The following FAM193A variants were observed in gnomAD, a reference collection of about 807,000 sequenced individuals.
The protein encoded by FAM193A is family with sequence similarity 193 member A.
FAM193A carries 22 observed loss-of-function variants against 126.5 expected under a neutral mutation model. The ratio of observed to expected loss-of-function variants is 0.17; its 90% CI spans 0.12 to 0.25. The LOEUF (loss-of-function observed/expected upper bound fraction) is 0.25, where lower values mean the gene tolerates loss of function less well. FAM193A is among the 10% of genes least tolerant of loss of function. FAM193A has a pLI of 1.00. For missense variants in FAM193A, 1,675 were observed against 1,672.8 expected (o/e 1.00, Z -0.02); for synonymous variants, 761 against 646.8 (o/e 1.18, Z -2.68).
chr4:2,572,026 A>T (rs1037098436), intron 1 of FAM193A, among the ~76,000 whole-genome samples: 3 of 151,722 alleles, frequency 2.0e-5, no homozygotes, highest in African/African-American at 4.8e-5. Context: ...TTAGCTGGGC[A>T]TGGTGGCATG....
At chr4:2,617,240 T>TTTTTTATATATATA (rs377206444) in intron 2 of FAM193A, among the ~76,000 whole-genome samples, 1 of 35,242 alleles carries the variant, frequency 2.8e-5, no homozygotes, top group African/African-American at 2.7e-4. Context: ...TATGTTTTTA[T>TTTTTTATATATATA]TATATATATA....
At chr4:2,583,194 A>C (rs1193959679) in intron 1 of FAM193A, among the ~76,000 whole-genome samples, 1 of 152,198 alleles carries the variant, frequency 6.6e-6, no homozygotes, top group African/African-American at 2.4e-5. Context: ...AGCTGGTGCC[A>C]AACTCCTGAC....
At chr4:2,692,092 T>G (rs939420564) in intron 15 of FAM193A, among the ~76,000 whole-genome samples, 1 of 152,186 alleles carries the variant, frequency 6.6e-6, no homozygotes, top group African/African-American at 2.4e-5. Flanking sequence ...GATGGGCGCT[T>G]GTGTTAATCA....
chr4:2,697,586 A>G (rs1412732795), intron 18 of FAM193A, among the ~76,000 whole-genome samples: 2 of 152,200 alleles, frequency 1.3e-5, no homozygotes, highest in East Asian at 1.9e-4. Flanking sequence ...TGGTCAGGCA[A>G]AAAGGTGAGG....
intron 1 of FAM193A, among the ~76,000 whole-genome samples, chr4:2,539,111 C>G (rs1161421021): frequency 6.6e-6 from 1 of 151,830 alleles, no homozygotes; most frequent in Non-Finnish European, 1.5e-5. Context: ...GCAGGCTGGT[C>G]TTGAAGTCCT....
chr4:2,693,698 GTCACCTGCTGCGCTC>G lies in FAM193A; in HGVS notation c.2925_2939del (p.Ala976_Ala980del), dbSNP rs756140329. On this transcript the variant is annotated inframe_deletion, in exon 16 of 21. Coordinates refer to ENST00000637812, the MANE Select transcript of FAM193A (RefSeq NM_001366318.2). ...TCCCAGCGCTCTCGCCTGCTGCGCT[GTCACCTGCTGCGCTC>G]TCACCTGCCTCCACACCTCACCTTG... 2.2e-5 allele frequency: 36 copies of G among 1,614,152 alleles called. No homozygotes were observed. Among genetic ancestry groups the G allele is most frequent in the Non-Finnish European group, 1.9e-5 (23 of 1,180,030 alleles).
intron 1 of FAM193A, among the ~76,000 whole-genome samples, chr4:2,571,785 C>T (rs752924445): frequency 6.6e-6 from 1 of 151,724 alleles, no homozygotes. Flanking sequence ...GGTGATCCAC[C>T]GGCCTCAGCC....
At chr4:2,575,667 A>G (rs901771092) in intron 1 of FAM193A, among the ~76,000 whole-genome samples, 1 of 151,986 alleles carries the variant, frequency 6.6e-6, no homozygotes, top group Non-Finnish European at 1.5e-5. Flanking sequence ...GGGATTCACC[A>G]TGTTGGCCAG....
intron 7 of FAM193A, among the ~76,000 whole-genome samples, chr4:2,647,628 C>G (rs1745281079): frequency 1.3e-5 from 2 of 152,164 alleles, no homozygotes; most frequent in Non-Finnish European, 2.9e-5. Flanking sequence ...GGAGGGCACT[C>G]AGGCAGCCCA....
chr4:2,610,605 A>C (rs1047777259), intron 2 of FAM193A, among the ~76,000 whole-genome samples: 1 of 152,166 alleles, frequency 6.6e-6, no homozygotes, highest in African/African-American at 2.4e-5. Context: ...AGCAATAGTT[A>C]ATTCCTTTTA....
At chr4:2,604,791 CTTTTTTTTTTTTTTT>C (rs869148370) in intron 2 of FAM193A, among the ~76,000 whole-genome samples, 1 of 99,674 alleles carries the variant, frequency 1.0e-5, no homozygotes, top group East Asian at 2.8e-4. Context: ...TTTCTTTTTC[CTTTTTTTTTTTTTTT>C]TTTTTTTTGG....
chr4:2,606,017 G>A (rs1230560017), intron 2 of FAM193A, among the ~76,000 whole-genome samples: 1 of 144,474 alleles, frequency 6.9e-6, no homozygotes, highest in Non-Finnish European at 1.5e-5. Flanking sequence ...TAAGTAGAGT[G>A]GCCGTGTTTT....
intron 2 of FAM193A, among the ~76,000 whole-genome samples, chr4:2,618,345 T>C (rs1256321521): frequency 6.6e-6 from 1 of 152,214 alleles, no homozygotes; most frequent in Non-Finnish European, 1.5e-5. Context: ...CCCCTTTTTT[T>C]CTGGGATGTT....
chr4:2,727,795 C>G (rs979529112), intron 20 of FAM193A, among the ~76,000 whole-genome samples: 10 of 152,108 alleles, frequency 6.6e-5, no homozygotes, highest in African/African-American at 2.2e-4. Context: ...GCCAGTGGGG[C>G]AGAGGAATCT....
chr4:2,663,178 A>G lies in FAM193A; in HGVS notation c.1969A>G (p.Ser657Gly), dbSNP rs1560537802. Residue 657 changes from serine (S) to glycine (G), a missense_variant, in exon 12 of 21, where the codon AGT (serine) becomes GGT (glycine). By Grantham distance (56) the Ser-to-Gly change is moderately conservative. This residue lies in a region of FAM193A where 1,186 missense variants were observed against 1,109.2 expected (regional missense o/e 1.07). Coordinates refer to ENST00000637812, the MANE Select transcript of FAM193A (RefSeq NM_001366318.2). Reference sequence around the variant, plus strand: ...TGATGAAGAAGCGGACGGCGAGAGTAGTGGGGAGCCCCCAGGGGCCCCGAA... The same window carrying G: ...TGATGAAGAAGCGGACGGCGAGAGTGGTGGGGAGCCCCCAGGGGCCCCGAA... ...ADDEEADGES[S>G]GEPPGAPKED... The G allele has an allele frequency of 6.2e-7, 1 of 1,614,220 alleles. No individual in the cohort carries two copies. The highest frequency in any genetic ancestry group is 8.5e-7 in the Non-Finnish European group (1 of 1,180,022).
In FAM193A at chr4:2,659,605, C is replaced by G. The variant is rs759327190; in HGVS notation, c.1437C>G (p.Thr479=). 3.7e-6 allele frequency: 6 copies of G among 1,613,990 alleles called. No homozygotes were observed. The highest frequency in any genetic ancestry group is 5.1e-6 in the Non-Finnish European group (6 of 1,180,024). The change falls in exon 9 of 21, where the codon ACC becomes ACG. Residue 479 remains threonine, a synonymous_variant. Coordinates refer to ENST00000637812, the MANE Select transcript of FAM193A (RefSeq NM_001366318.2). ...AVTGENNFTD[T]MRHMLSSRLS... is the part of the protein sequence containing the mutation. ...CTGGCGAGAACAACTTCACAGACAC[C>G]ATGAGGCACATGTTATCGTCCCGGC...
intron 19 of FAM193A, among the ~76,000 whole-genome samples, chr4:2,715,003 A>T (rs1451863720): frequency 1.3e-5 from 2 of 152,178 alleles, no homozygotes; most frequent in African/African-American, 4.8e-5. Context: ...ATTGAATTAG[A>T]TAAGTGACCA....
chr4:2,558,908 G>A (rs1738433116), intron 1 of FAM193A, among the ~76,000 whole-genome samples: 1 of 152,186 alleles, frequency 6.6e-6, no homozygotes, highest in South Asian at 2.1e-4. Flanking sequence ...GGCTAAGGCA[G>A]GAGAATTGCT....
Position 2,732,244 on chromosome 4 carries a change from G to A in FAM193A, c.*376G>A, listed in dbSNP as rs1174213845. 27 of 250,594 alleles carry A rather than the reference G, an allele frequency of 1.1e-4. No individual in the cohort carries two copies. The highest frequency in any genetic ancestry group is 8.6e-4 in the South Asian group (18 of 20,818). 15.5% of individuals were successfully genotyped at this position (250,594 alleles called of 1,614,324 possible). On this transcript the variant is annotated 3_prime_UTR_variant, in exon 21 of 21. Transcript: ENST00000637812. ...ATGTGTCCTCACCGGGGTATCGGCCGTCACTCAGCTCTCCTGTGCCCCTGC... is the reference window on the plus strand; with the variant it reads ...ATGTGTCCTCACCGGGGTATCGGCCATCACTCAGCTCTCCTGTGCCCCTGC...
Sources: allele counts gnomAD v4.1 joint callset (sites outside exome capture counted in the v4.1 genomes callset), GRCh38; gene constraint gnomAD v4.1.1; regional missense constraint gnomAD v4.1.1; transcripts MANE v1.5; gene names NCBI Gene and HGNC (gene_info 2026-07-23, HGNC 2026-07-21).